Variants in FGGY observed in about 807,000 individuals in gnomAD.
The protein encoded by FGGY is FGGY carbohydrate kinase domain containing.
In FGGY, 72 loss-of-function variants were observed where a neutral mutation model predicts 71.3. The observed-to-expected ratio is 1.01, with a 90% confidence interval of 0.84 to 1.23. FGGY has a LOEUF of 1.23. Among genes scored for constraint, FGGY ranks in the 50% most tolerant of loss-of-function variants. FGGY has a pLI of 0.00. For synonymous variants in FGGY, 251 were observed against 250.3 expected (o/e 1.00, Z -0.02); for missense variants, 668 against 682.3 (o/e 0.98, Z 0.23).
intron 5 of FGGY, among the ~76,000 whole-genome samples, chr1:59,440,295 C>T (rs1313721861): frequency 6.6e-6 from 1 of 152,102 alleles, no homozygotes; most frequent in Non-Finnish European, 1.5e-5. Context: ...AGAAACCCCA[C>T]AAAGCTCCTT....
At chr1:59,406,050 A>G (rs539114825) in intron 5 of FGGY, among the ~76,000 whole-genome samples, 106 of 152,068 alleles carry the variant, frequency 7.0e-4, no homozygotes, top group South Asian at 2.1e-3. Flanking sequence ...AAAGCATTCT[A>G]TCTCCTATTT....
At chr1:59,569,098 C>G (rs931079169) in intron 8 of FGGY, among the ~76,000 whole-genome samples, 20 of 152,138 alleles carry the variant, frequency 1.3e-4, no homozygotes, top group African/African-American at 4.8e-4. Flanking sequence ...AAAATTATGA[C>G]AGCTAGGATT....
chr1:59,519,443 A>G (rs2094760503), intron 7 of FGGY, among the ~76,000 whole-genome samples: 1 of 152,210 alleles, frequency 6.6e-6, no homozygotes, highest in South Asian at 2.1e-4. Context: ...TTGGAAAAAC[A>G]TAAAATGGGC....
chr1:59,507,320 T>C (rs2094411825), intron 6 of FGGY, among the ~76,000 whole-genome samples: 1 of 152,216 alleles, frequency 6.6e-6, no homozygotes, highest in Non-Finnish European at 1.5e-5. Context: ...ACAAATCCAG[T>C]TAAGTTACAG....
chr1:59,585,189 C>CA (rs1375291466), intron 8 of FGGY, among the ~76,000 whole-genome samples: 2 of 152,088 alleles, frequency 1.3e-5, no homozygotes, highest in African/African-American at 4.8e-5. Context: ...CATATGGAAT[C>CA]AAAAAAGAGC....
chr1:59,691,636 C>CTTTTTTTTTT (rs2097588141), intron 14 of FGGY, among the ~76,000 whole-genome samples: 1 of 144,960 alleles, frequency 6.9e-6, no homozygotes. Context: ...CTTTTTTTTT[C>CTTTTTTTTTT]TTTTCTTTTT....
At chr1:59,538,872 C>T (rs1439326996) in intron 7 of FGGY, among the ~76,000 whole-genome samples, 4 of 150,010 alleles carry the variant, frequency 2.7e-5, no homozygotes, top group African/African-American at 9.8e-5. Context: ...GGAGGGATAG[C>T]ATTGGGAGAT....
chr1:59,306,130 AT>A (rs1238120202), intron 1 of FGGY, among the ~76,000 whole-genome samples: 12 of 151,872 alleles, frequency 7.9e-5, no homozygotes, highest in African/African-American at 1.9e-4. Flanking sequence ...TTTGTTTTCT[AT>A]TTTTTTCCCC....
chr1:59,572,861 A>C (rs879812334), intron 8 of FGGY, among the ~76,000 whole-genome samples: 1 of 152,214 alleles, frequency 6.6e-6, no homozygotes, highest in Non-Finnish European at 1.5e-5. Context: ...TTCCTTGGAC[A>C]GACTGGATTC....
At chr1:59,359,000 C>G (rs2054883601) in intron 4 of FGGY, among the ~76,000 whole-genome samples, 1 of 152,192 alleles carries the variant, frequency 6.6e-6, no homozygotes, top group Non-Finnish European at 1.5e-5. Context: ...GTTTCTGACT[C>G]TAAGAAATGA....
chr1:59,740,161 C>T (rs1173998474), intron 14 of FGGY, among the ~76,000 whole-genome samples: 1 of 152,142 alleles, frequency 6.6e-6, no homozygotes, highest in African/African-American at 2.4e-5. Context: ...TTACCTAAAC[C>T]TTTTTAAACA....
chr1:59,416,077 T>A (rs2064360626), intron 5 of FGGY, among the ~76,000 whole-genome samples: 1 of 152,174 alleles, frequency 6.6e-6, no homozygotes, highest in Admixed American at 6.5e-5. Context: ...CTTATTTAAA[T>A]CAATTAGTTA....
At chr1:59,553,150 A>G (rs1431096425) in intron 7 of FGGY, among the ~76,000 whole-genome samples, 1 of 152,130 alleles carries the variant, frequency 6.6e-6, no homozygotes, top group East Asian at 1.9e-4. Flanking sequence ...TTAGAGATTG[A>G]GAGCAAACGT....
intron 14 of FGGY, among the ~76,000 whole-genome samples, chr1:59,721,333 C>CTTTGTTTTTTT: frequency 1.5e-5 from 1 of 68,588 alleles, no homozygotes; most frequent in Non-Finnish European, 2.6e-5. Flanking sequence ...CTTTTCTTTC[C>CTTTGTTTTTTT]TTTGTTTTTT....
At chr1:59,316,298 A>C (rs528831676) in intron 1 of FGGY, 1 of 152,290 alleles carries the variant, frequency 6.6e-6, no homozygotes, top group East Asian at 1.9e-4. Flanking sequence ...TCACCAAATA[A>C]ATCCTGGAGG....
At chr1:59,616,774 T>G (rs957902339) in intron 9 of FGGY, among the ~76,000 whole-genome samples, 6 of 152,136 alleles carry the variant, frequency 3.9e-5, no homozygotes, top group African/African-American at 1.4e-4. Context: ...CCTAATATTA[T>G]TTTGAAGGCT....
intron 14 of FGGY, among the ~76,000 whole-genome samples, chr1:59,749,485 A>C (rs1228053448): frequency 6.6e-6 from 1 of 152,154 alleles, no homozygotes; most frequent in Non-Finnish European, 1.5e-5. Flanking sequence ...AGAGTTGGAG[A>C]ATTGGTGAGT....
At chr1:59,433,526 C>T (rs945126915) in intron 5 of FGGY, among the ~76,000 whole-genome samples, 11 of 152,142 alleles carry the variant, frequency 7.2e-5, no homozygotes, top group Non-Finnish European at 1.0e-4. Context: ...GAGAGGGTCC[C>T]TCTGGAGCAG....
intron 14 of FGGY, among the ~76,000 whole-genome samples, chr1:59,676,463 A>G (rs2097436219): frequency 6.6e-6 from 1 of 151,428 alleles, no homozygotes; most frequent in Admixed American, 6.6e-5. Flanking sequence ...TCAAACAGAG[A>G]ATAGCCTTTC....
Sources: allele counts gnomAD v4.1 joint callset (sites outside exome capture counted in the v4.1 genomes callset), GRCh38; gene constraint gnomAD v4.1.1; transcripts MANE v1.5; gene names NCBI Gene and HGNC (gene_info 2026-07-23, HGNC 2026-07-21).